Variants in AGBL1 observed in about 807,000 individuals in gnomAD.
AGBL1 encodes the protein cytosolic carboxypeptidase 4.
AGBL1 carries 130 observed loss-of-function variants against 118.9 expected under a neutral mutation model. That is an observed-to-expected ratio of 1.09 (90% CI 0.95 to 1.26). AGBL1 has a LOEUF of 1.26. Among genes scored for constraint, AGBL1 ranks in the 50% most tolerant of loss-of-function variants. The pLI is 0.00. For missense variants in AGBL1, 1,584 were observed against 1,298.1 expected (o/e 1.22, Z -3.38); for synonymous variants, 555 against 478.9 (o/e 1.16, Z -2.08).
rs1555472717 is a variant in AGBL1, at chr15:86,364,998, C to CACATAT, written c.2375-32367_2375-32366insCATATA. ...ATATATATATATATATACACACACA[C>CACATAT]ATATATATATACACACACATATATA... On this transcript the variant is annotated intron_variant, in intron 17 of 22. Coordinates refer to ENST00000614907, the MANE Select transcript of AGBL1 (RefSeq NM_001386094.1). Among the ~76,000 whole-genome samples, 293 of 121,204 alleles carry CACATAT rather than the reference C, an allele frequency of 2.4e-3. 14 individuals are homozygous for CACATAT. The highest frequency in any genetic ancestry group is 8.6e-3 in the African/African-American group (254 of 29,646). The allele number at this position is 121,204 out of a possible 152,430, so 79.5% of individuals were successfully genotyped here. A position where few individuals can be genotyped will look rare whatever the true frequency, so the allele number is the denominator to read the frequency against.
chr15:86,156,821 G>A lies in AGBL1; in HGVS notation c.395-2112G>A, dbSNP rs181962036. On this transcript the variant is annotated intron_variant, in intron 4 of 22. Coordinates refer to ENST00000614907, the MANE Select transcript of AGBL1 (RefSeq NM_001386094.1). ...TTTTTTTTTTTTTTTAGACAGTCTC[G>A]TTCTGTCACCCAGGCTGGAATGTAG... 4.8e-3 allele frequency among the ~76,000 whole-genome samples: 579 copies of A among 120,216 alleles called. 5 individuals are homozygous for A. Among genetic ancestry groups the A allele is most frequent in the African/African-American group, 0.017 (512 of 30,594 alleles). The allele number at this position is 120,216 out of a possible 152,430, so 78.9% of individuals were successfully genotyped here.
chr15:86,978,699 A>G (rs6496377), intron 23 of AGBL1, among the ~76,000 whole-genome samples: 111,326 of 152,104 alleles, frequency 0.73, 40,873 homozygotes, highest in South Asian at 0.87. Flanking sequence ...TCAGGCTGTG[A>G]GCTGGGCAGG....
chr15:86,720,276 A>G (rs1044146037), intron 22 of AGBL1, among the ~76,000 whole-genome samples: 1 of 152,114 alleles, frequency 6.6e-6, no homozygotes, highest in Non-Finnish European at 1.5e-5. Context: ...TTTCACCTGG[A>G]TGAATAACAC....
chr15:86,964,783 C>A (rs1348614621), intron 23 of AGBL1, among the ~76,000 whole-genome samples: 2 of 151,730 alleles, frequency 1.3e-5, no homozygotes, highest in African/African-American at 4.8e-5. Flanking sequence ...CCCTCCCCTA[C>A]CCCCCAACCC....
chr15:86,841,569 G>A (rs2079245269), intron 22 of AGBL1, among the ~76,000 whole-genome samples: 1 of 152,106 alleles, frequency 6.6e-6, no homozygotes, highest in African/African-American at 2.4e-5. Context: ...AAGTTGGCTG[G>A]GCGCAGTGGC....
At chr15:86,564,337 A>G (rs1340696207) in intron 21 of AGBL1, among the ~76,000 whole-genome samples, 1 of 152,154 alleles carries the variant, frequency 6.6e-6, no homozygotes, top group Non-Finnish European at 1.5e-5. Flanking sequence ...AGGTGACACA[A>G]TCTCTCAGCA....
intron 21 of AGBL1, among the ~76,000 whole-genome samples, chr15:86,601,833 A>G (rs548382687): frequency 4.9e-4 from 75 of 152,244 alleles, no homozygotes; most frequent in African/African-American, 1.3e-3. Context: ...ACTCCATCCA[A>G]TAGATAAAGA....
intron 22 of AGBL1, among the ~76,000 whole-genome samples, chr15:86,870,969 C>T (rs2079719483): frequency 6.6e-6 from 1 of 152,178 alleles, no homozygotes; most frequent in African/African-American, 2.4e-5. Context: ...ATTGGGCTAG[C>T]TTGCCTTTGG....
At chr15:86,933,747 T>C (rs1293634199) in intron 23 of AGBL1, among the ~76,000 whole-genome samples, 2 of 152,174 alleles carry the variant, frequency 1.3e-5, no homozygotes, top group Non-Finnish European at 2.9e-5. Context: ...AAAGAATAGC[T>C]CTATTCTAAC....
chr15:86,952,449 G>A (rs1183603754), intron 23 of AGBL1, among the ~76,000 whole-genome samples: 1 of 152,008 alleles, frequency 6.6e-6, no homozygotes, highest in African/African-American at 2.4e-5. Flanking sequence ...CACTTAATGT[G>A]ATTATTGATA....
At chr15:86,825,521 A>G (rs1025900869) in intron 22 of AGBL1, among the ~76,000 whole-genome samples, 5 of 151,696 alleles carry the variant, frequency 3.3e-5, no homozygotes, top group African/African-American at 1.2e-4. Flanking sequence ...GTCCACTTAG[A>G]AAATGGACAA....
At chr15:86,737,886 A>G (rs891670085) in intron 22 of AGBL1, among the ~76,000 whole-genome samples, 1 of 151,850 alleles carries the variant, frequency 6.6e-6, no homozygotes, top group Non-Finnish European at 1.5e-5. Flanking sequence ...AGATGCAAAA[A>G]TCCCCAACAA....
chr15:86,195,483 A>C (rs1478309526), intron 5 of AGBL1, among the ~76,000 whole-genome samples: 1 of 152,204 alleles, frequency 6.6e-6, no homozygotes, highest in Non-Finnish European at 1.5e-5. Context: ...GATTCAGGGA[A>C]TAAAAAGCTC....
intron 16 of AGBL1, among the ~76,000 whole-genome samples, chr15:86,280,751 T>TATAAATGTG (rs2079338920): frequency 1.3e-5 from 2 of 152,192 alleles, no homozygotes; most frequent in South Asian, 4.1e-4. Flanking sequence ...AATGTGCAGG[T>TATAAATGTG]ATAAATGTGA....
rs534377675 is a variant in AGBL1 at position 86,705,579 on chromosome 15, C to T, written c.3158+31143C>T. Among the ~76,000 whole-genome samples, 8 of 152,254 alleles carry T rather than the reference C, an allele frequency of 5.3e-5. No homozygotes were observed. The East Asian group carries it at 5.8e-4, about 11-fold the overall frequency. On this transcript the variant is annotated intron_variant, in intron 22 of 22. Coordinates refer to ENST00000614907, the MANE Select transcript of AGBL1 (RefSeq NM_001386094.1). ...ATTGGAGTTAAATGAGCCAGCCACT[C>T]GCTTCATTCCTCAATTGAGACTGCT...
intron 22 of AGBL1, among the ~76,000 whole-genome samples, chr15:86,895,823 T>G (rs1380204984): frequency 6.6e-6 from 1 of 152,104 alleles, no homozygotes; most frequent in Non-Finnish European, 1.5e-5. Context: ...TGTCTTTATT[T>G]CTCAAGTTTT....
Position 86,915,440 on chromosome 15 carries a change from A to C in AGBL1, c.*8146A>C, listed in dbSNP as rs769531427. On this transcript the variant is annotated 3_prime_UTR_variant, in exon 23 of 23. Coordinates refer to ENST00000614907, the MANE Select transcript of AGBL1 (RefSeq NM_001386094.1). ...TTAAAGTCATAAAAACTTACTTTCAATTCTCAGAAAGCACCTTACTCTTCT... is the reference window on the plus strand; with the variant it reads ...TTAAAGTCATAAAAACTTACTTTCACTTCTCAGAAAGCACCTTACTCTTCT... 3 of 152,142 alleles carry C rather than the reference A, an allele frequency of 2.0e-5. No individual in the cohort carries two copies. Among genetic ancestry groups the C allele is most frequent in the African/African-American group, 4.8e-5 (2 of 41,410 alleles). 9.4% of individuals were successfully genotyped at this position (152,142 alleles called of 1,614,324 possible). A position where few individuals can be genotyped will look rare whatever the true frequency, so the allele number is the denominator to read the frequency against.
At chr15:86,891,316 G>A (rs896307682) in intron 22 of AGBL1, among the ~76,000 whole-genome samples, 8 of 152,018 alleles carry the variant, frequency 5.3e-5, no homozygotes, top group Non-Finnish European at 1.0e-4. Flanking sequence ...CAGACAATGA[G>A]AAAATGTTCC....
chr15:86,542,299 A>G (rs2083510639), intron 19 of AGBL1, among the ~76,000 whole-genome samples: 1 of 151,962 alleles, frequency 6.6e-6, no homozygotes, highest in African/African-American at 2.4e-5. Context: ...CATCCTTGAC[A>G]AACTCTGTAG....
Sources: gnomAD v4.1 joint callset for allele counts (sites outside exome capture counted in the v4.1 genomes callset) on GRCh38, gnomAD v4.1.1 for gene constraint, MANE v1.5 for transcripts, NCBI Gene and HGNC (gene_info 2026-07-23, HGNC 2026-07-21) for gene names.